Variants in POLR2F observed in about 807,000 individuals in gnomAD.
POLR2F encodes the protein DNA-directed RNA polymerases I, II, and III subunit RPABC2.
Under a neutral mutation model 22.7 loss-of-function variants are expected in POLR2F, and 12 were observed. The ratio of observed to expected loss-of-function variants is 0.53; its 90% CI spans 0.34 to 0.86. The LOEUF is 0.86. POLR2F is among the 40% of genes least tolerant of loss of function. The pLI, the probability that POLR2F is intolerant of heterozygous loss-of-function variation, is 0.02. For synonymous variants in POLR2F, 57 were observed against 66.0 expected, an observed-to-expected ratio of 0.86 and a Z score of 0.66; for missense variants, 126 against 171.5, an observed-to-expected ratio of 0.73 and a Z score of 1.48.
chr22:38,021,510 A>G (rs1321080528), intron 1 of POLR2F, among the ~76,000 whole-genome samples: 1 of 152,166 alleles, frequency 6.6e-6, no homozygotes, highest in African/African-American at 2.4e-5. Context: ...AGGTTGGAGT[A>G]CAGTGACGCG....
At chr22:37,994,226 G>A (rs2084689849) in intron 1 of POLR2F, among the ~76,000 whole-genome samples, 1 of 152,180 alleles carries the variant, frequency 6.6e-6, no homozygotes, top group African/African-American at 2.4e-5. Context: ...GTGTTCACAT[G>A]TCAGGGGCTT....
chr22:38,022,990 G>A (rs957106217), intron 1 of POLR2F, among the ~76,000 whole-genome samples: 2 of 152,184 alleles, frequency 1.3e-5, no homozygotes, highest in Admixed American at 1.3e-4. Flanking sequence ...CAGCCTGGGC[G>A]ACAAGAACAA....
chr22:38,010,372 CA>C (rs149542224), intron 1 of POLR2F, among the ~76,000 whole-genome samples: 12 of 135,746 alleles, frequency 8.8e-5, no homozygotes, highest in African/African-American at 1.6e-4. Flanking sequence ...AAGGCCTTGT[CA>C]AAAAAAAAAT....
downstream of POLR2F, chr22:37,973,789 G>A (rs1479748265): frequency 1.3e-6 from 2 of 1,596,328 alleles, no homozygotes; most frequent in South Asian, 2.2e-5. Context: ...GCTGGTCGGT[G>A]TAGTGTGGGG....
chr22:38,038,552 C>T (rs370122088), intron 5 of POLR2F, among the ~76,000 whole-genome samples: 1 of 152,158 alleles, frequency 6.6e-6, no homozygotes, highest in Admixed American at 6.5e-5. Context: ...CACCTTCCGC[C>T]GTGGCCTTGA....
downstream of POLR2F, among the ~76,000 whole-genome samples, chr22:37,970,292 T>G (rs1601875596): frequency 1.8e-5 from 1 of 56,098 alleles, no homozygotes; most frequent in South Asian, 5.3e-4. Context: ...AGACTCCGTC[T>G]CAAAAAAAAA....
intron 5 of POLR2F, among the ~76,000 whole-genome samples, chr22:38,033,424 G>T (rs2085084728): frequency 6.6e-6 from 1 of 152,250 alleles, no homozygotes; most frequent in Admixed American, 6.5e-5. Context: ...TCTAGAGGTT[G>T]CAGCGGGGTT....
In POLR2F at chr22:37,967,859, A is replaced by T; in HGVS notation, c.*144A>T. Reference sequence around the variant, plus strand: ...CACCTGTTGCTTCCCCGTTACCGCCATGCTGCGTGGAGCATGCACCTATTC... The same window carrying T: ...CACCTGTTGCTTCCCCGTTACCGCCTTGCTGCGTGGAGCATGCACCTATTC... On this transcript the variant is annotated 3_prime_UTR_variant, in exon 5 of 5. Coordinates refer to ENST00000442738, the MANE Select transcript of POLR2F (RefSeq NM_021974.5). 7.0e-7 allele frequency: 1 copy of T among 1,418,994 alleles called. No individual in the cohort carries two copies. The highest frequency in any genetic ancestry group is 9.2e-7 in the Non-Finnish European group (1 of 1,090,092). 87.9% of individuals were successfully genotyped at this position (1,418,994 alleles called of 1,614,324 possible).
chr22:38,008,598 G>A (rs1301061864), intron 1 of POLR2F, among the ~76,000 whole-genome samples: 7 of 151,094 alleles, frequency 4.6e-5, no homozygotes, highest in Non-Finnish European at 8.9e-5. Context: ...AAAGCCAGGC[G>A]CGGTGGCTCA....
chr22:38,019,327 A>T (rs2084940878), intron 1 of POLR2F, among the ~76,000 whole-genome samples: 1 of 152,154 alleles, frequency 6.6e-6, no homozygotes, highest in East Asian at 1.9e-4. Context: ...CCATCCCCAC[A>T]TGACTGGCAT....
chr22:37,954,001 C>T, intron 1 of POLR2F, 194 bp downstream of exon 1: 1 of 640,514 alleles, frequency 1.6e-6, no homozygotes, highest in South Asian at 2.0e-5. Context: ...ACAGGAGGGC[C>T]CAGGCTCGAG....
chr22:37,973,814 G>A (rs776999856), downstream of POLR2F: 60 of 1,599,354 alleles, frequency 3.8e-5, 1 homozygote, highest in East Asian at 1.3e-4. Context: ...CTGGGGCCCC[G>A]CGGTCTCTGT....
chr22:37,976,418 T>C (rs1417545868), intron 4 of POLR2F, among the ~76,000 whole-genome samples: 1 of 152,194 alleles, frequency 6.6e-6, no homozygotes, highest in Non-Finnish European at 1.5e-5. Flanking sequence ...CTCTAGACTA[T>C]GGGCCCCTGA....
chr22:37,970,029 C>G (rs990110790), downstream of POLR2F, among the ~76,000 whole-genome samples: 1 of 152,082 alleles, frequency 6.6e-6, no homozygotes, highest in Non-Finnish European at 1.5e-5. Flanking sequence ...CGTGGTGGCT[C>G]ACACCTGTAA....
chr22:37,993,717 C>T (rs957426260), intron 1 of POLR2F, among the ~76,000 whole-genome samples: 2 of 152,196 alleles, frequency 1.3e-5, no homozygotes, highest in African/African-American at 4.8e-5. Flanking sequence ...GGGCCGGGCA[C>T]AGTGGCTCAC....
chr22:37,956,819 G>A lies in POLR2F; in HGVS notation c.67G>A (p.Asp23Asn), dbSNP rs755089473. Residue 23 changes from aspartate to asparagine, a missense_variant, in exon 2 of 5, where the codon GAT becomes AAT. Physicochemically the swap from Asp to Asn is conservative, Grantham distance 23. Transcript: ENST00000442738. The stretch of plus-strand genomic sequence containing the variant: ...TGATGTGGAGGAGGATGAAGGGCTA[G>A]ATGACTTGGAGAATGCCGAAGAGGT... The part of the protein sequence containing the change: ...FDDVEEDEGL[D>N]DLENAEEEGQ... 6 of 1,613,968 alleles carry A rather than the reference G, an allele frequency of 3.7e-6. No individual in the cohort carries two copies.
At chr22:38,038,701 C>T (rs1384246413) in intron 5 of POLR2F, among the ~76,000 whole-genome samples, 3 of 152,094 alleles carry the variant, frequency 2.0e-5, no homozygotes, top group Non-Finnish European at 2.9e-5. Context: ...CCCTCTTCTC[C>T]CGCAGCGCCA....
intron 4 of POLR2F, among the ~76,000 whole-genome samples, chr22:37,975,624 A>T (rs955187925): frequency 2.0e-5 from 3 of 152,218 alleles, no homozygotes; most frequent in African/African-American, 7.2e-5. Context: ...TGCCTCCTTC[A>T]TCAGACCAGA....
intron 5 of POLR2F, among the ~76,000 whole-genome samples, chr22:38,036,439 C>T (rs1333347551): frequency 6.6e-6 from 1 of 151,430 alleles, no homozygotes; most frequent in Non-Finnish European, 1.5e-5. Flanking sequence ...CCTTCAGGGG[C>T]CTGGAAGCCC....
Sources: allele counts gnomAD v4.1 joint callset (sites outside exome capture counted in the v4.1 genomes callset), GRCh38; gene constraint gnomAD v4.1.1; transcripts MANE v1.5; gene names NCBI Gene and HGNC (gene_info 2026-07-23, HGNC 2026-07-21).